Variants in LHFPL3 observed in about 807,000 individuals in gnomAD.
The protein encoded by LHFPL3 is LHFPL tetraspan subfamily member 3 protein.
A neutral mutation model predicts 19.3 loss-of-function variants in LHFPL3; 5 were observed. That is an observed-to-expected ratio of 0.26 (90% CI 0.14 to 0.54). The LOEUF (loss-of-function observed/expected upper bound fraction) is 0.54, where lower values mean the gene tolerates loss of function less well. LHFPL3 is among the 20% of genes least tolerant of loss of function. The probability of loss-of-function intolerance (pLI) is 0.94; values close to 1 mark genes in which losing one functional copy is unlikely to be tolerated. For synonymous variants in LHFPL3, 133 were observed against 126.2 expected (o/e 1.05, Z -0.36); for missense variants, 249 against 307.4 (o/e 0.81, Z 1.42).
chr7:104,499,693 T>C (rs914265764), intron 1 of LHFPL3, among the ~76,000 whole-genome samples: 4 of 152,240 alleles, frequency 2.6e-5, no homozygotes, highest in Admixed American at 2.0e-4. Context: ...CTCAATCTGT[T>C]ACGTTAATTT....
chr7:104,674,646 C>T (rs1248421018), intron 1 of LHFPL3, among the ~76,000 whole-genome samples: 2 of 152,072 alleles, frequency 1.3e-5, no homozygotes, highest in African/African-American at 2.4e-5. Flanking sequence ...GGATTACAGG[C>T]GTGAGCCACT....
At chr7:104,648,716 G>A (rs1791974561) in intron 1 of LHFPL3, among the ~76,000 whole-genome samples, 1 of 152,110 alleles carries the variant, frequency 6.6e-6, no homozygotes, top group Non-Finnish European at 1.5e-5. Context: ...TCCTGGTTAA[G>A]CCCATATAAA....
At chr7:104,595,598 T>C (rs1790833961) in intron 1 of LHFPL3, among the ~76,000 whole-genome samples, 1 of 152,234 alleles carries the variant, frequency 6.6e-6, no homozygotes, top group African/African-American at 2.4e-5. Context: ...TCTTCAGAGC[T>C]GTCAGACAGG....
chr7:104,903,826 C>A (rs940687339), intron 2 of LHFPL3, among the ~76,000 whole-genome samples: 1 of 152,154 alleles, frequency 6.6e-6, no homozygotes, highest in Non-Finnish European at 1.5e-5. Context: ...TTTATCCAGT[C>A]CACTACTAAT....
chr7:104,402,106 A>C (rs1791325715), intron 1 of LHFPL3, among the ~76,000 whole-genome samples: 1 of 151,998 alleles, frequency 6.6e-6, no homozygotes, highest in Non-Finnish European at 1.5e-5. Flanking sequence ...AAAAAACAAA[A>C]AACAACAAAA....
At chr7:104,356,000 A>T (rs1345215200) in intron 1 of LHFPL3, among the ~76,000 whole-genome samples, 1 of 152,268 alleles carries the variant, frequency 6.6e-6, no homozygotes, top group Non-Finnish European at 1.5e-5. Flanking sequence ...GTACCTAATT[A>T]AGAGATAATG....
chr7:104,669,968 C>A (rs1792440148), intron 1 of LHFPL3, among the ~76,000 whole-genome samples: 1 of 152,106 alleles, frequency 6.6e-6, no homozygotes, highest in East Asian at 1.9e-4. Flanking sequence ...AGATTTCTAC[C>A]TTTTAGTTTT....
chr7:104,576,183 A>G lies in LHFPL3; in HGVS notation c.446-160492A>G, dbSNP rs117274782. ...CAGGAAAAAAAAATTAGAAAAAAGA[A>G]TAGTTTAAAAGATCTATGGACTCAG... On this transcript the variant is annotated intron_variant, in intron 1 of 2. Coordinates refer to ENST00000424859, the MANE Select transcript of LHFPL3 (RefSeq NM_199000.3). Among the ~76,000 whole-genome samples, 146 of 152,334 alleles carry G rather than the reference A, an allele frequency of 9.6e-4. 2 individuals are homozygous for G. The East Asian group carries it at 0.027, about 28-fold the overall frequency.
chr7:104,470,886 G>T (rs891820053), intron 1 of LHFPL3, among the ~76,000 whole-genome samples: 2 of 152,004 alleles, frequency 1.3e-5, no homozygotes, highest in Non-Finnish European at 2.9e-5. Flanking sequence ...GGGGCATGGG[G>T]TCCTTTTCTG....
chr7:104,345,286 T>C (rs1313423990), intron 1 of LHFPL3, among the ~76,000 whole-genome samples: 3 of 152,184 alleles, frequency 2.0e-5, no homozygotes, highest in Admixed American at 1.3e-4. Context: ...AGTTTTGTTA[T>C]TGCCTTTTTA....
chr7:104,461,140 T>A (rs1792654815), intron 1 of LHFPL3, among the ~76,000 whole-genome samples: 1 of 152,174 alleles, frequency 6.6e-6, no homozygotes, highest in East Asian at 1.9e-4. Flanking sequence ...GGCAAACACA[T>A]CTTTCTTCAC....
intron 1 of LHFPL3, among the ~76,000 whole-genome samples, chr7:104,542,463 G>A (rs1314725853): frequency 1.3e-5 from 2 of 152,024 alleles, no homozygotes; most frequent in African/African-American, 4.8e-5. Flanking sequence ...CCAAAAGCCC[G>A]AGACCTTGTC....
At chr7:104,872,266 G>A (rs891320119) in intron 2 of LHFPL3, among the ~76,000 whole-genome samples, 3 of 151,732 alleles carry the variant, frequency 2.0e-5, no homozygotes, top group African/African-American at 7.3e-5. Context: ...GAACCCGGGA[G>A]GCAGAGCTTG....
intron 2 of LHFPL3, among the ~76,000 whole-genome samples, chr7:104,833,041 A>C (rs1357884300): frequency 1.8e-4 from 1 of 5,660 alleles, no homozygotes; most frequent in Non-Finnish European, 3.3e-4. Flanking sequence ...TTATATATAT[A>C]TATTATATAT....
chr7:104,629,917 T>C (rs1258138827), intron 1 of LHFPL3, among the ~76,000 whole-genome samples: 2 of 152,296 alleles, frequency 1.3e-5, no homozygotes, highest in East Asian at 3.9e-4. Context: ...CTCAAGGGTA[T>C]GGATAATTTC....
intron 1 of LHFPL3, among the ~76,000 whole-genome samples, chr7:104,497,128 C>G (rs1025454468): frequency 6.6e-6 from 1 of 151,866 alleles, no homozygotes; most frequent in Non-Finnish European, 1.5e-5. Flanking sequence ...TATCTGATTA[C>G]CATTATTATC....
intron 2 of LHFPL3, among the ~76,000 whole-genome samples, chr7:104,805,184 C>A (rs1403337783): frequency 6.6e-6 from 1 of 152,220 alleles, no homozygotes; most frequent in Non-Finnish European, 1.5e-5. Context: ...TCTGACTGGG[C>A]TAAGTATCAC....
At chr7:104,404,760 C>CTAA (rs901196690) in intron 1 of LHFPL3, among the ~76,000 whole-genome samples, 16 of 152,290 alleles carry the variant, frequency 1.1e-4, no homozygotes, top group African/African-American at 3.6e-4. Flanking sequence ...ACCTTTCTTG[C>CTAA]TAATAACCAG....
chr7:104,377,076 AC>A (rs781636489), intron 1 of LHFPL3, among the ~76,000 whole-genome samples: 3 of 152,178 alleles, frequency 2.0e-5, no homozygotes, highest in African/African-American at 7.2e-5. Context: ...GTCCCAACTA[AC>A]TCCATTAGGT....
Sources: allele counts gnomAD v4.1 joint callset (sites outside exome capture counted in the v4.1 genomes callset), GRCh38; gene constraint gnomAD v4.1.1; transcripts MANE v1.5; gene names NCBI Gene and HGNC (gene_info 2026-07-23, HGNC 2026-07-21).